SOS1: variants seen among roughly 807,000 people sequenced by gnomAD.
The protein encoded by SOS1 is son of sevenless homolog 1.
SOS1 carries 25 observed loss-of-function variants against 157.6 expected under a neutral mutation model. The observed-to-expected ratio is 0.16, with a 90% CI of 0.12 to 0.22. SOS1 has a LOEUF of 0.22. Ranked by LOEUF, SOS1 falls within the 10% of genes least tolerant of loss-of-function variation. The pLI is 1.00. For synonymous variants in SOS1, 528 were observed against 534.0 expected, an observed-to-expected ratio of 0.99 and a Z score of 0.16; for missense variants, 1,237 against 1,599.1, an observed-to-expected ratio of 0.77 and a Z score of 3.86.
chr2:39,121,247 G>A (rs972157390), upstream of SOS1, among the ~76,000 whole-genome samples: 16 of 152,162 alleles, frequency 1.1e-4, no homozygotes, highest in African/African-American at 3.9e-4. Flanking sequence ...GGCCTGCAAG[G>A]GTGGGTGATG....
intron 9 of SOS1, among the ~76,000 whole-genome samples, chr2:39,023,472 G>T (rs1235606400): frequency 6.6e-6 from 1 of 151,870 alleles, no homozygotes; most frequent in African/African-American, 2.4e-5. Context: ...ACTACAAAAT[G>T]ATTATTTCTA....
Position 39,045,251 on chromosome 2 carries a change from A to AGGGAGG in SOS1, c.864+5892_864+5893insCCTCCC, listed in dbSNP as rs879415259. ...GGGAATGAGAGAGAGAGGGAGAGAGAGAGAGAGAGAGAGAGAGAGAGAGTG... is the reference window on the plus strand; with the variant it reads ...GGGAATGAGAGAGAGAGGGAGAGAGAGGGAGGGAGAGAGAGAGAGAGAGAGAGAGTG... On this transcript the variant is annotated intron_variant, in intron 6 of 22. Transcript: ENST00000402219. Among the ~76,000 whole-genome samples, 17 of 120,136 alleles carry AGGGAGG rather than the reference A, an allele frequency of 1.4e-4. 1 individual carries two copies. The highest frequency in any genetic ancestry group is 4.8e-4 in the East Asian group (2 of 4,136). The allele number at this position is 120,136 out of a possible 152,430, so 78.8% of individuals were successfully genotyped here.
intron 19 of SOS1, 115 bp downstream of exon 19, chr2:38,996,807 C>G (rs1008852459): frequency 1.4e-6 from 1 of 714,390 alleles, no homozygotes; most frequent in Non-Finnish European, 2.6e-6. Flanking sequence ...TTATTAAGTA[C>G]TTTTTCATTA....
At chr2:39,112,184 A>T in intron 1 of SOS1, among the ~76,000 whole-genome samples, 1 of 151,622 alleles carries the variant, frequency 6.6e-6, no homozygotes, top group African/African-American at 2.4e-5. Context: ...CTATCTTCTT[A>T]ATCTCTACTG....
At chr2:39,042,107 T>C (rs1670591835) in intron 6 of SOS1, among the ~76,000 whole-genome samples, 1 of 152,224 alleles carries the variant, frequency 6.6e-6, no homozygotes, top group Admixed American at 6.5e-5. Context: ...CACTCTTGTT[T>C]ACTCTGGCTT....
chr2:39,064,302 T>C (rs2148134374), intron 2 of SOS1, among the ~76,000 whole-genome samples: 1 of 152,266 alleles, frequency 6.6e-6, no homozygotes, highest in South Asian at 2.1e-4. Flanking sequence ...TAAATACCAA[T>C]TCTTAGCATT....
intron 8 of SOS1, among the ~76,000 whole-genome samples, chr2:39,029,353 T>C (rs761397771): frequency 1.3e-5 from 2 of 152,154 alleles, no homozygotes; most frequent in African/African-American, 4.8e-5. Flanking sequence ...TGGCCAGGTA[T>C]AGTGGCTCAC....
chr2:39,120,548 G>C lies in SOS1; in HGVS notation c.-126C>G, dbSNP rs902238648. 10 of 1,057,182 alleles carry C rather than the reference G, an allele frequency of 9.5e-6. No homozygotes were observed. Among genetic ancestry groups the C allele is most frequent in the African/African-American group, 1.7e-5 (1 of 58,702 alleles). The allele number at this position is 1,057,182 out of a possible 1,614,324, so 65.5% of individuals were successfully genotyped here. On this transcript the variant is annotated 5_prime_UTR_variant, in exon 1 of 23. Transcript: ENST00000402219. ...CACCGGACGGCCCGGCCCCCTCCGG[G>C]CGCCGCGCAGCCGGGCTAGCCCTGG...
chr2:39,046,536 G>A (rs866370540), intron 6 of SOS1, among the ~76,000 whole-genome samples: 5 of 136,346 alleles, frequency 3.7e-5, no homozygotes, highest in South Asian at 2.2e-4. Flanking sequence ...ACGGAGTCTC[G>A]CTCTGTCGCC....
intron 1 of SOS1, among the ~76,000 whole-genome samples, chr2:39,082,015 G>C (rs1208239608): frequency 6.6e-6 from 1 of 151,870 alleles, no homozygotes. Context: ...TGGTAAATGG[G>C]GTATCCATTC....
intron 20 of SOS1, among the ~76,000 whole-genome samples, chr2:38,994,609 C>G (rs1364906142): frequency 1.3e-5 from 2 of 152,188 alleles, no homozygotes; most frequent in African/African-American, 4.8e-5. Flanking sequence ...ATCATACTTA[C>G]TGGTTTAGCA....
chr2:39,122,847 C>G (rs2148247701), upstream of SOS1, among the ~76,000 whole-genome samples: 1 of 151,942 alleles, frequency 6.6e-6, no homozygotes, highest in African/African-American at 2.4e-5. Flanking sequence ...CCCGGTCAGC[C>G]CTCTTCAAAT....
At chr2:39,052,142 CAT>C (rs1417996181) in intron 5 of SOS1, among the ~76,000 whole-genome samples, 2 of 152,120 alleles carry the variant, frequency 1.3e-5, no homozygotes, top group Non-Finnish European at 2.9e-5. Context: ...CTGGACTTTC[CAT>C]ATAAATAGAG....
rs10153761 is a variant in SOS1, at chr2:39,034,927, C to T, written c.1074+285G>A. 0.92 allele frequency: 481,245 copies of T among 523,560 alleles called. 221,700 individuals are homozygous for T. Among genetic ancestry groups the T allele is most frequent in the African/African-American group, 0.97 (51,483 of 52,894 alleles). 32.4% of individuals were successfully genotyped at this position (523,560 alleles called of 1,614,324 possible). On this transcript the variant is annotated intron_variant, in intron 8 of 22. Coordinates refer to ENST00000402219, the MANE Select transcript of SOS1 (RefSeq NM_005633.4). ...GTAAACAAAAAGTAAAGGTACAAGA[C>T]AAAAATATCTGACAATTGCTTTAAC...
At chr2:39,006,747 T>C (rs191871051) in intron 16 of SOS1, among the ~76,000 whole-genome samples, 2 of 152,330 alleles carry the variant, frequency 1.3e-5, no homozygotes, top group Admixed American at 1.3e-4. Flanking sequence ...TATCATGTCA[T>C]TCCTTACACA....
At chr2:39,090,679 G>C (rs1179470220) in intron 1 of SOS1, among the ~76,000 whole-genome samples, 1 of 152,054 alleles carries the variant, frequency 6.6e-6, no homozygotes, top group Admixed American at 6.6e-5. Context: ...CTGAGCGACA[G>C]AACGAGCCTC....
At chr2:39,028,599 T>G (rs1192298960) in intron 8 of SOS1, among the ~76,000 whole-genome samples, 1 of 152,212 alleles carries the variant, frequency 6.6e-6, no homozygotes, top group Non-Finnish European at 1.5e-5. Context: ...TTCTTGACTT[T>G]CAGTCCCGTG....
chr2:39,078,740 T>C (rs1672102459), intron 1 of SOS1, among the ~76,000 whole-genome samples: 2 of 152,046 alleles, frequency 1.3e-5, no homozygotes, highest in Non-Finnish European at 2.9e-5. Flanking sequence ...AAAATTGTCT[T>C]CCACAAAACC....
intron 6 of SOS1, among the ~76,000 whole-genome samples, chr2:39,037,519 T>G (rs1313494528): frequency 6.6e-6 from 1 of 152,244 alleles, no homozygotes. Flanking sequence ...GTTTCTTGTT[T>G]TTCACAATTA....
Sources: allele counts gnomAD v4.1 joint callset (sites outside exome capture counted in the v4.1 genomes callset), GRCh38; gene constraint gnomAD v4.1.1; transcripts MANE v1.5; gene names NCBI Gene and HGNC (gene_info 2026-07-23, HGNC 2026-07-21).